The following UBE2F variants were observed in gnomAD, a reference collection of about 807,000 sequenced individuals.
UBE2F encodes ubiquitin conjugating enzyme E2 F (putative).
A neutral mutation model predicts 29.6 loss-of-function variants in UBE2F; 5 were observed. The observed-to-expected ratio is 0.17, with a 90% CI of 0.09 to 0.36. The LOEUF is 0.36. Ranked by LOEUF, UBE2F falls within the 10% of genes least tolerant of loss-of-function variation. UBE2F has a pLI of 1.00. For synonymous variants in UBE2F, 66 were observed against 81.8 expected, an observed-to-expected ratio of 0.81 and a Z score of 1.04; for missense variants, 141 against 228.5, an observed-to-expected ratio of 0.62 and a Z score of 2.47.
chr2:238,022,848 G>T (rs1309137693), intron 5 of UBE2F, among the ~76,000 whole-genome samples: 1 of 152,150 alleles, frequency 6.6e-6, no homozygotes, highest in African/African-American at 2.4e-5. Flanking sequence ...GGGTTGGGGG[G>T]AAGGGGCTAC....
At chr2:238,031,556 G>C (rs1369729815) in intron 7 of UBE2F, among the ~76,000 whole-genome samples, 1 of 152,140 alleles carries the variant, frequency 6.6e-6, no homozygotes, top group Non-Finnish European at 1.5e-5. Flanking sequence ...TTACCAACTA[G>C]CAAAAAGTAG....
intron 4 of UBE2F, among the ~76,000 whole-genome samples, chr2:237,999,362 A>G (rs899142723): frequency 2.0e-5 from 3 of 152,144 alleles, no homozygotes; most frequent in Non-Finnish European, 2.9e-5. Flanking sequence ...GAGCCACCAC[A>G]TGTGGCTGAA....
At chr2:238,030,870 G>C (rs1432726826) in intron 7 of UBE2F, among the ~76,000 whole-genome samples, 1 of 152,264 alleles carries the variant, frequency 6.6e-6, no homozygotes, top group Non-Finnish European at 1.5e-5. Context: ...CCAAACTGCA[G>C]GCTTCACAGC....
intron 8 of UBE2F, 107 bp from the exon 9 acceptor site, chr2:238,035,771 G>A (rs2064694630): frequency 2.4e-6 from 2 of 827,980 alleles, no homozygotes; most frequent in African/African-American, 1.7e-5. Context: ...CTCCAGTTTG[G>A]TCTGCCATTT....
chr2:237,974,671 G>A (rs1204190404), intron 2 of UBE2F, among the ~76,000 whole-genome samples: 5 of 151,510 alleles, frequency 3.3e-5, no homozygotes, highest in South Asian at 4.2e-4. Context: ...CTGCCACCAC[G>A]CCCAGCTAAT....
At chr2:238,006,484 G>A (rs535532061) in intron 4 of UBE2F, among the ~76,000 whole-genome samples, 24 of 152,284 alleles carry the variant, frequency 1.6e-4, no homozygotes, top group African/African-American at 5.1e-4. Flanking sequence ...TCTGTTGCTA[G>A]TACATAAAAA....
chr2:238,024,402 A>G (rs1028192560), intron 5 of UBE2F, among the ~76,000 whole-genome samples: 4 of 152,122 alleles, frequency 2.6e-5, no homozygotes, highest in Non-Finnish European at 4.4e-5. Flanking sequence ...CTGGAGTACA[A>G]TGGTGCGATC....
At chr2:237,978,148 G>A (rs764841913) in intron 2 of UBE2F, among the ~76,000 whole-genome samples, 13 of 152,318 alleles carry the variant, frequency 8.5e-5, no homozygotes, top group Non-Finnish European at 1.2e-4. Context: ...ACTGTCATTC[G>A]TTAGATGAGG....
chr2:237,991,576 T>A (rs933742499), intron 3 of UBE2F, among the ~76,000 whole-genome samples: 2 of 150,844 alleles, frequency 1.3e-5, no homozygotes, highest in Non-Finnish European at 3.0e-5. Flanking sequence ...TTTTTTTTTT[T>A]AGAACTTAAC....
At chr2:237,990,188 C>G (rs760756932) in intron 3 of UBE2F, among the ~76,000 whole-genome samples, 15 of 149,176 alleles carry the variant, frequency 1.0e-4, no homozygotes, top group Non-Finnish European at 1.8e-4. Flanking sequence ...CTTTAAAATG[C>G]TACAGGAAGA....
chr2:237,973,371 T>A, intron 2 of UBE2F, 146 bp downstream of exon 2: 1 of 942,562 alleles, frequency 1.1e-6, no homozygotes, highest in South Asian at 1.7e-5. Flanking sequence ...TCTCTTATAG[T>A]GAAGGACATT....
At chr2:237,981,440 G>T (rs546888053) in intron 2 of UBE2F, among the ~76,000 whole-genome samples, 1 of 152,050 alleles carries the variant, frequency 6.6e-6, no homozygotes, top group East Asian at 1.9e-4. Context: ...CTGTGCCCCA[G>T]GATTGTAGTC....
At chr2:237,973,355 T>A (rs1422708527) in intron 2 of UBE2F, 130 bp downstream of exon 2, 1 of 1,052,460 alleles carries the variant, frequency 9.5e-7, no homozygotes, top group East Asian at 2.6e-5. Context: ...AAAATATAAT[T>A]GCTTATCTCT....
intron 2 of UBE2F, among the ~76,000 whole-genome samples, chr2:237,984,664 C>T (rs529128730): frequency 3.3e-5 from 5 of 152,310 alleles, no homozygotes; most frequent in South Asian, 4.1e-4. Flanking sequence ...AGGACGTTGC[C>T]GGGTCAGTTA....
rs1021084932 is a variant in UBE2F at position 237,971,690 on chromosome 2, C to T, written c.-16-1402C>T. Among the ~76,000 whole-genome samples the T allele has an allele frequency of 2.6e-5, 4 of 152,134 alleles. No homozygotes were observed. In the East Asian group the frequency reaches 5.8e-4, roughly 22 times the overall value. On this transcript the variant is annotated intron_variant, in intron 1 of 9. Transcript: ENST00000272930. ...CCCTCTCTGACCATGGCAAGGAGGA[C>T]GATTAATGTCAGTTTATGTTAGAAA...
rs1645648038 is a variant in UBE2F at position 238,041,366 on chromosome 2, A to T, written c.*28A>T. The T allele has an allele frequency of 6.2e-7, 1 of 1,612,518 alleles. No homozygotes were observed. Among genetic ancestry groups the T allele is most frequent in the Non-Finnish European group, 8.5e-7 (1 of 1,179,062 alleles). ...AAAGGGGACGATTGCAGGCCCATGG[A>T]CTGTGTTACAGTTTGTCTCTAACAT... On this transcript the variant is annotated 3_prime_UTR_variant, in exon 10 of 10. Coordinates refer to ENST00000272930, the MANE Select transcript of UBE2F (RefSeq NM_080678.3).
intron 5 of UBE2F, among the ~76,000 whole-genome samples, chr2:238,018,785 G>A (rs758249757): frequency 3.3e-5 from 5 of 152,116 alleles, no homozygotes; most frequent in Non-Finnish European, 7.3e-5. Context: ...CAATGGAGAC[G>A]GCTGAATTGT....
intron 4 of UBE2F, among the ~76,000 whole-genome samples, chr2:238,013,447 C>T (rs577845340): frequency 1.3e-4 from 20 of 152,214 alleles, no homozygotes; most frequent in African/African-American, 4.8e-4. Flanking sequence ...GGAATGTCCA[C>T]TCCTTGAGAC....
intron 2 of UBE2F, among the ~76,000 whole-genome samples, chr2:237,983,323 C>A (rs1198487590): frequency 1.3e-5 from 2 of 152,214 alleles, no homozygotes; most frequent in African/African-American, 2.4e-5. Context: ...AGAAGGCTTG[C>A]CCTGGCCAGA....
Sources: allele counts gnomAD v4.1 joint callset (sites outside exome capture counted in the v4.1 genomes callset), GRCh38; gene constraint gnomAD v4.1.1; transcripts MANE v1.5; gene names NCBI Gene and HGNC (gene_info 2026-07-23, HGNC 2026-07-21).